SERPINF1: variants seen among roughly 807,000 people sequenced by gnomAD.
The protein encoded by SERPINF1 is pigment epithelium-derived factor.
Under a neutral mutation model 37.3 loss-of-function variants are expected in SERPINF1, and 29 were observed. The ratio of observed to expected loss-of-function variants is 0.78; its 90% CI spans 0.58 to 1.06. SERPINF1 has a LOEUF of 1.06. Among genes scored for constraint, SERPINF1 ranks in the 50% least tolerant of loss-of-function variants. The pLI is 0.00. For missense variants in SERPINF1, 553 were observed against 532.2 expected (o/e 1.04, Z -0.38); for synonymous variants, 281 against 227.9 (o/e 1.23, Z -2.10).
rs750867374 is a variant in SERPINF1 at position 1,771,056 on chromosome 17, T to C, written c.311T>C (p.Ile104Thr). 4 of 1,613,924 alleles carry C rather than the reference T, an allele frequency of 2.5e-6. No individual in the cohort carries two copies. In the African/African-American group the frequency reaches 5.3e-5, roughly 22 times the overall value. ...GCGGAGCAGCGAACAGAATCCATCATTCACCGGGCTCTCTACTATGACTTG... is the reference window on the plus strand; with the variant it reads ...GCGGAGCAGCGAACAGAATCCATCACTCACCGGGCTCTCTACTATGACTTG... ...LGAEQRTESI[I>T]HRALYYDLIS... is the part of the protein sequence containing the mutation. The change falls in exon 4 of 8, where the codon ATT becomes ACT. Residue 104 changes from isoleucine to threonine, a missense_variant. Ile to Thr is a moderately conservative substitution (Grantham distance 89). Coordinates refer to ENST00000254722, the MANE Select transcript of SERPINF1 (RefSeq NM_002615.7).
intron 4 of SERPINF1, among the ~76,000 whole-genome samples, chr17:1,771,533 C>T (rs951711772): frequency 1.5e-4 from 23 of 152,202 alleles, no homozygotes; most frequent in Admixed American, 9.8e-4. Context: ...CCACCGCGCT[C>T]GGCCCGTTTC....
At chr17:1,774,302 TCTC>T (rs1222991636) in intron 5 of SERPINF1, among the ~76,000 whole-genome samples, 13 of 152,310 alleles carry the variant, frequency 8.5e-5, no homozygotes, top group Non-Finnish European at 1.8e-4. Flanking sequence ...TTCAAGTGAT[TCTC>T]CTGTCTCTGC....
chr17:1,776,802 C>T, intron 7 of SERPINF1, 60 bp downstream of exon 7: 1 of 1,502,924 alleles, frequency 6.7e-7, no homozygotes, highest in South Asian at 1.1e-5. Flanking sequence ...GGTCTTTGGG[C>T]CTTCCACTGT....
intron 5 of SERPINF1, among the ~76,000 whole-genome samples, chr17:1,773,922 G>C (rs1342768953): frequency 6.6e-6 from 1 of 152,154 alleles, no homozygotes; most frequent in African/African-American, 2.4e-5. Flanking sequence ...CCCGAGCCTG[G>C]ACAAAATCCA....
Position 1,777,435 on chromosome 17 carries a change from AG to A in SERPINF1, c.1250del (p.Gly417AlafsTer7). ...LLFIGKILDP[R>X]GP Reference sequence around the variant, plus strand: ...CTTCATTGGCAAGATTCTGGACCCCAGGGGCCCCTAATATCCCAGTTTAATA... The same window carrying A: ...CTTCATTGGCAAGATTCTGGACCCCAGGGCCCCTAATATCCCAGTTTAATA... On this transcript the variant is annotated frameshift_variant, in exon 8 of 8. Transcript: ENST00000254722. LOFTEE classifies it high-confidence loss of function. 6.2e-7 allele frequency: 1 copy of A among 1,614,156 alleles called. No homozygotes were observed.
intron 5 of SERPINF1, among the ~76,000 whole-genome samples, chr17:1,772,972 T>C (rs938549725): frequency 2.6e-5 from 4 of 152,066 alleles, no homozygotes; most frequent in Non-Finnish European, 5.9e-5. Flanking sequence ...CATGTCCAAC[T>C]TTCCACTTCT....
In SERPINF1 at chr17:1,777,301, C is replaced by T. The variant is rs201562844; in HGVS notation, c.1112C>T (p.Thr371Ile). Residue 371 changes from threonine (T) to isoleucine (I), a missense_variant, in exon 8 of 8, where the codon ACC (threonine) becomes ATC (isoleucine). Thr to Ile is a moderately conservative substitution (Grantham distance 89). Coordinates refer to ENST00000254722, the MANE Select transcript of SERPINF1 (RefSeq NM_002615.7). ...GFEWNEDGAG[T>I]TPSPGLQPAH... ...GAGTGGAACGAGGATGGGGCGGGAA[C>T]CACCCCCAGCCCAGGGCTGCAGCCT... The T allele has an allele frequency of 4.8e-5, 77 of 1,614,134 alleles. No homozygotes were observed. Among genetic ancestry groups the T allele is most frequent in the Non-Finnish European group, 5.8e-5 (69 of 1,180,024 alleles).
chr17:1,776,469 CTG>C, intron 6 of SERPINF1, 61 bp from the exon 7 acceptor site: 3 of 1,488,346 alleles, frequency 2.0e-6, no homozygotes, highest in East Asian at 2.3e-5. Flanking sequence ...CAGCTCCTGG[CTG>C]TGTCTGTCCC....
intron 6 of SERPINF1, 31 bp downstream of exon 6, chr17:1,775,231 G>A (rs754635254): frequency 6.2e-7 from 1 of 1,603,836 alleles, no homozygotes; most frequent in Non-Finnish European, 8.5e-7. Context: ...GGTGGGGGGT[G>A]GATGGAGGGA....
intron 2 of SERPINF1, chr17:1,769,645 T>C (rs966274012): frequency 1.6e-6 from 1 of 610,310 alleles, no homozygotes. Context: ...AAACAGCTGA[T>C]CTCTCTTCTG....
chr17:1,763,364 C>T (rs976482577), intron 1 of SERPINF1, among the ~76,000 whole-genome samples: 5 of 152,156 alleles, frequency 3.3e-5, no homozygotes, highest in African/African-American at 1.2e-4. Flanking sequence ...TTGATGTGGG[C>T]AATTGTCAGA....
At chr17:1,770,179 G>A in intron 3 of SERPINF1, 129 bp downstream of exon 3, 1 of 1,006,332 alleles carries the variant, frequency 9.9e-7, no homozygotes, top group Admixed American at 2.0e-5. Context: ...GGCCTGGCCT[G>A]GGGGTCCCAG....
intron 1 of SERPINF1, among the ~76,000 whole-genome samples, chr17:1,764,199 A>T (rs1316073392): frequency 6.6e-6 from 1 of 152,216 alleles, no homozygotes; most frequent in African/African-American, 2.4e-5. Context: ...AAAAAAAACT[A>T]TGCCGGGATG....
At chr17:1,762,622 C>A (rs1907151754) in intron 1 of SERPINF1, among the ~76,000 whole-genome samples, 1 of 152,178 alleles carries the variant, frequency 6.6e-6, no homozygotes, top group Non-Finnish European at 1.5e-5. Flanking sequence ...AGGCAATTTC[C>A]CAGCACCACC....
chr17:1,764,108 G>C (rs1302481237), intron 1 of SERPINF1, among the ~76,000 whole-genome samples: 1 of 152,232 alleles, frequency 6.6e-6, no homozygotes, highest in Non-Finnish European at 1.5e-5. Flanking sequence ...CTTGAACCCG[G>C]GAGGTGGAAG....
chr17:1,767,838 G>A (rs1195882208), intron 2 of SERPINF1, among the ~76,000 whole-genome samples: 1 of 152,152 alleles, frequency 6.6e-6, no homozygotes, highest in African/African-American at 2.4e-5. Context: ...ATTCTACAGG[G>A]CCATGTGGCC....
intron 3 of SERPINF1, chr17:1,770,445 G>T: frequency 4.0e-6 from 1 of 247,026 alleles, no homozygotes; most frequent in Non-Finnish European, 7.8e-6. Flanking sequence ...GCTCACTACA[G>T]AATAGTCTTT....
rs1238426651 is a variant in SERPINF1 at position 1,777,176 on chromosome 17, C to T, written c.998-11C>T. 1.9e-6 allele frequency: 3 copies of T among 1,614,062 alleles called. No homozygotes were observed. Among genetic ancestry groups the T allele is most frequent in the Admixed American group, 3.3e-5 (2 of 59,980 alleles). ...CAGGGTTTTAACGGAAATCTCTCTC[C>T]ATCTCTACAGAGCTGCAATCCTTGT... On this transcript the variant is annotated splice_polypyrimidine_tract_variant and intron_variant, in intron 7 of 7. Coordinates refer to ENST00000254722, the MANE Select transcript of SERPINF1 (RefSeq NM_002615.7).
At chr17:1,773,514 C>A (rs1314675451) in intron 5 of SERPINF1, among the ~76,000 whole-genome samples, 3 of 152,204 alleles carry the variant, frequency 2.0e-5, no homozygotes. Context: ...TCCCACAGTG[C>A]TGGGATTACA....
Sources: gnomAD v4.1 joint callset for allele counts (sites outside exome capture counted in the v4.1 genomes callset) on GRCh38, gnomAD v4.1.1 for gene constraint, MANE v1.5 for transcripts, NCBI Gene and HGNC (gene_info 2026-07-23, HGNC 2026-07-21) for gene names.